Variants in SEMA3A observed in about 807,000 individuals in gnomAD.
SEMA3A encodes semaphorin 3A, also known as semaphorin-3A.
In SEMA3A, 29 loss-of-function variants were observed where a neutral mutation model predicts 97.9. That is an observed-to-expected ratio of 0.30 (90% CI 0.22 to 0.40). The LOEUF is 0.40. SEMA3A is among the 10% of genes least tolerant of loss of function. The pLI is 1.00. For synonymous variants in SEMA3A, 321 were observed against 323.7 expected, an observed-to-expected ratio of 0.99 and a Z score of 0.09; for missense variants, 763 against 951.3, an observed-to-expected ratio of 0.80 and a Z score of 2.60.
chr7:84,221,658 G>C (rs1456122271), intron 3 of SEMA3A, among the ~76,000 whole-genome samples: 2 of 152,018 alleles, frequency 1.3e-5, no homozygotes, highest in Non-Finnish European at 2.9e-5. Flanking sequence ...GAGGGTGAGA[G>C]ATGAGGAAAT....
chr7:84,072,584 AAGTC>A (rs1221802379), intron 4 of SEMA3A, among the ~76,000 whole-genome samples: 5 of 152,164 alleles, frequency 3.3e-5, no homozygotes, highest in Admixed American at 3.3e-4. Flanking sequence ...TAATTTATGT[AAGTC>A]TTTGAAGCAC....
intron 3 of SEMA3A, among the ~76,000 whole-genome samples, chr7:84,216,713 T>C (rs1231073244): frequency 6.6e-6 from 1 of 152,004 alleles, no homozygotes; most frequent in Non-Finnish European, 1.5e-5. Flanking sequence ...TCCATAAATA[T>C]TTTGCACATG....
chr7:84,384,217 G>T (rs151195383), intron 1 of SEMA3A, among the ~76,000 whole-genome samples: 1 of 152,096 alleles, frequency 6.6e-6, no homozygotes, highest in African/African-American at 2.4e-5. Flanking sequence ...ATCTGTAGTT[G>T]TCATATTATT....
chr7:84,446,566 A>C (rs1465071022), intron 1 of SEMA3A, among the ~76,000 whole-genome samples: 1 of 152,248 alleles, frequency 6.6e-6, no homozygotes, highest in Non-Finnish European at 1.5e-5. Flanking sequence ...AGGAATAAAA[A>C]GTCATCTTAA....
upstream of SEMA3A, among the ~76,000 whole-genome samples, chr7:84,197,786 C>T (rs1332302108): frequency 7.7e-6 from 1 of 129,856 alleles, no homozygotes; most frequent in Non-Finnish European, 1.5e-5. Flanking sequence ...GTCCCCCAGG[C>T]TGGAGTGCAG....
In SEMA3A at chr7:84,288,954, G is replaced by GA. The variant is rs1166422914; in HGVS notation, c.-83+18252dup. ...CACTATTTGCAATAGCCAAGAAATG[G>GA]AAAAACCTATGTGTCCTTCCATAAA... On this transcript the variant is annotated intron_variant, in intron 3 of 3. Transcript: ENST00000424555. 6.6e-5 allele frequency among the ~76,000 whole-genome samples: 10 copies of GA among 152,116 alleles called. No homozygotes were observed. In the East Asian group the frequency reaches 1.7e-3, roughly 26 times the overall value.
intron 4 of SEMA3A, among the ~76,000 whole-genome samples, chr7:84,079,360 A>C (rs1477724274): frequency 6.6e-6 from 1 of 151,332 alleles, no homozygotes; most frequent in Admixed American, 6.6e-5. Flanking sequence ...ATGGGATCTA[A>C]TTAAACTAAA....
At chr7:84,137,155 C>A (rs1796155712) in intron 1 of SEMA3A, among the ~76,000 whole-genome samples, 1 of 152,056 alleles carries the variant, frequency 6.6e-6, no homozygotes, top group African/African-American at 2.4e-5. Flanking sequence ...AATCTCAGCA[C>A]TTTGGTAGTC....
At chr7:84,255,967 C>A (rs1488439352) in intron 3 of SEMA3A, among the ~76,000 whole-genome samples, 2 of 151,886 alleles carry the variant, frequency 1.3e-5, no homozygotes, top group African/African-American at 2.4e-5. Flanking sequence ...TCCCCAAGCA[C>A]AAGAATAAAA....
rs924027428 is a variant in SEMA3A at position 83,967,755 on chromosome 7, A to AAAAC, written c.1718-4412_1718-4409dup. ...GGGTGACAGAGCAAGACTCAGTCTC[A>AAAAC]AAACAAACAAACAAAAAACTATCAA... On this transcript the variant is annotated intron_variant, in intron 15 of 16. Coordinates refer to ENST00000265362, the MANE Select transcript of SEMA3A (RefSeq NM_006080.3). Among the ~76,000 whole-genome samples, 4 of 152,262 alleles carry AAAAC rather than the reference A, an allele frequency of 2.6e-5. No individual in the cohort carries two copies. In the East Asian group the frequency reaches 7.7e-4, roughly 29 times the overall value.
intron 4 of SEMA3A, among the ~76,000 whole-genome samples, chr7:84,065,084 G>A (rs1291284713): frequency 6.8e-6 from 1 of 146,574 alleles, no homozygotes. Context: ...AGACCACAGT[G>A]CAATCAAACT....
At chr7:84,310,017 G>C (rs1414228888) in intron 2 of SEMA3A, among the ~76,000 whole-genome samples, 2 of 152,036 alleles carry the variant, frequency 1.3e-5, no homozygotes, top group African/African-American at 4.8e-5. Flanking sequence ...TTTTTGAAAA[G>C]TGCATTGATC....
chr7:84,179,826 A>C (rs545190056), intron 1 of SEMA3A, among the ~76,000 whole-genome samples: 23 of 151,682 alleles, frequency 1.5e-4, no homozygotes, highest in African/African-American at 4.8e-4. Flanking sequence ...AAACATCAAG[A>C]GTAATCAGAG....
At chr7:84,202,122 T>C (rs572231589) in intron 3 of SEMA3A, among the ~76,000 whole-genome samples, 26 of 152,130 alleles carry the variant, frequency 1.7e-4, no homozygotes, top group African/African-American at 6.3e-4. Flanking sequence ...TGTGTAACTT[T>C]GTTGAAATGA....
intron 3 of SEMA3A, among the ~76,000 whole-genome samples, chr7:84,239,927 A>T (rs1799319532): frequency 6.6e-6 from 1 of 152,134 alleles, no homozygotes; most frequent in African/African-American, 2.4e-5. Context: ...TGGTAGATTA[A>T]TATTTTCTAT....
intron 2 of SEMA3A, 69 bp downstream of exon 2, chr7:84,134,725 A>T (rs1796068982): frequency 1.7e-6 from 2 of 1,194,416 alleles, no homozygotes; most frequent in Non-Finnish European, 2.3e-6. Flanking sequence ...GCTTTTAAAT[A>T]GCTAGAGAAT....
chr7:84,202,626 T>C (rs1010533741), intron 3 of SEMA3A, among the ~76,000 whole-genome samples: 5 of 152,206 alleles, frequency 3.3e-5, no homozygotes, highest in South Asian at 2.1e-4. Context: ...ATTTCAAATA[T>C]ACTCTTTCTC....
At chr7:84,405,706 C>T (rs1468896955) in intron 1 of SEMA3A, among the ~76,000 whole-genome samples, 1 of 152,166 alleles carries the variant, frequency 6.6e-6, no homozygotes, top group Non-Finnish European at 1.5e-5. Flanking sequence ...TCTCAGACCA[C>T]AGTGCAATCA....
intron 2 of SEMA3A, among the ~76,000 whole-genome samples, chr7:84,329,156 G>C (rs1423871678): frequency 2.0e-5 from 3 of 151,912 alleles, no homozygotes; most frequent in Non-Finnish European, 4.4e-5. Context: ...TGTGAAGGGG[G>C]TAAGAGAAAT....
Sources: gnomAD v4.1 joint callset for allele counts (sites outside exome capture counted in the v4.1 genomes callset) on GRCh38, gnomAD v4.1.1 for gene constraint, MANE v1.5 for transcripts, NCBI Gene and HGNC (gene_info 2026-07-23, HGNC 2026-07-21) for gene names.